Variants in HSPB7 observed in about 807,000 individuals in gnomAD.
HSPB7 encodes the protein heat shock protein beta-7.
A neutral mutation model predicts 11.0 loss-of-function variants in HSPB7; 9 were observed. The observed-to-expected ratio is 0.82, with a 90% CI of 0.49 to 1.43. The LOEUF (loss-of-function observed/expected upper bound fraction) is 1.43, where lower values mean the gene tolerates loss of function less well. Among genes scored for constraint, HSPB7 ranks in the 40% most tolerant of loss-of-function variants. The probability of loss-of-function intolerance (pLI) is 0.00; values close to 1 mark genes in which losing one functional copy is unlikely to be tolerated. For synonymous variants in HSPB7, 102 were observed against 101.6 expected (o/e 1.00, Z -0.02); for missense variants, 246 against 243.9 (o/e 1.01, Z -0.06).
At chr1:16,016,799 CCA>C (rs1339055598) in intron 2 of HSPB7, among the ~76,000 whole-genome samples, 23 of 152,196 alleles carry the variant, frequency 1.5e-4, no homozygotes, top group African/African-American at 5.6e-4. Context: ...CTCCCTCTGC[CCA>C]CATCCCTCCA....
chr1:16,015,875 C>G lies in HSPB7; in HGVS notation c.334-116G>C. 1 of 1,044,118 alleles carries G rather than the reference C, an allele frequency of 9.6e-7. No individual in the cohort carries two copies. The highest frequency in any genetic ancestry group is 1.4e-6 in the Non-Finnish European group (1 of 734,492). The allele number at this position is 1,044,118 out of a possible 1,614,324, so 64.7% of individuals were successfully genotyped here. A position where few individuals can be genotyped will look rare whatever the true frequency, so the allele number is the denominator to read the frequency against. ...GCCAGACCCCACATGCCGAGGGGCT[C>G]TGCCCTCAGGTGCCGAGGGGCTGCC... On this transcript the variant is annotated intron_variant, in intron 2 of 2. Coordinates refer to ENST00000311890, the MANE Select transcript of HSPB7 (RefSeq NM_014424.5). This position sits in a 1 kb window ranked among gnomAD's most constrained non-coding sequence, Gnocchi z 4.9.
chr1:16,018,218 A>T, upstream of HSPB7: 1 of 1,487,676 alleles, frequency 6.7e-7, no homozygotes, highest in Non-Finnish European at 9.0e-7. Flanking sequence ...CTGAGCTCAC[A>T]GCCTGACATT....
At chr1:16,018,936 GAAGC>G, upstream of HSPB7, 1 of 1,118,074 alleles carries the variant, frequency 8.9e-7, no homozygotes, top group Non-Finnish European at 1.2e-6. Flanking sequence ...TACGGACGGG[GAAGC>G]GAAGCCTCTT....
upstream of HSPB7, chr1:16,019,513 A>AG: frequency 6.7e-7 from 1 of 1,484,812 alleles, no homozygotes; most frequent in South Asian, 1.3e-5. Context: ...CTTTTGTCTG[A>AG]GCCCCCTACA....
chr1:16,014,466 C>T lies in HSPB7; in HGVS notation c.*1114G>A, dbSNP rs1289391978. ...GGAGTTGAGAGCAGCAGTTGACACC[C>T]TGGGTTCAGATCTAACCTTCAGTGA... On this transcript the variant is annotated 3_prime_UTR_variant, in exon 3 of 3. Transcript: ENST00000311890. 6.6e-6 allele frequency: 1 copy of T among 152,202 alleles called. No individual in the cohort carries two copies. The highest frequency in any genetic ancestry group is 1.5e-5 in the Non-Finnish European group (1 of 68,070). The allele number at this position is 152,202 out of a possible 1,614,324, so 9.4% of individuals were successfully genotyped here.
At chr1:16,019,541 A>T (rs1377526451), upstream of HSPB7, 3 of 1,449,438 alleles carry the variant, frequency 2.1e-6, no homozygotes, top group African/African-American at 4.3e-5. Context: ...CTGGAGCTTC[A>T]TCCTGGAGAG....
rs35441766 is a variant in HSPB7 at position 16,015,065 on chromosome 1, G to A, written c.*515C>T. 288 of 153,334 alleles carry A rather than the reference G, an allele frequency of 1.9e-3. No homozygotes were observed. Among genetic ancestry groups the A allele is most frequent in the African/African-American group, 6.5e-3 (268 of 41,516 alleles). 9.5% of individuals were successfully genotyped at this position (153,334 alleles called of 1,614,324 possible). On this transcript the variant is annotated 3_prime_UTR_variant, in exon 3 of 3. Coordinates refer to ENST00000311890, the MANE Select transcript of HSPB7 (RefSeq NM_014424.5). This position sits in a 1 kb window ranked among gnomAD's most constrained non-coding sequence, Gnocchi z 4.9. ...GAGGCTGGTAGAGGGGAAGTTTACC[G>A]TCACGGCTGTCTCCTCTTGGCCTTG...
chr1:16,018,257 C>A, upstream of HSPB7: 1 of 1,414,766 alleles, frequency 7.1e-7, no homozygotes. Context: ...CCCCAGGGGC[C>A]TCCTCACCAC....
At chr1:16,019,382 T>A (rs1047350974), upstream of HSPB7, 2 of 1,494,578 alleles carry the variant, frequency 1.3e-6, no homozygotes, top group African/African-American at 2.8e-5. Context: ...GACATAGTCT[T>A]CCTGTGTGCT....
At chr1:16,017,380 G>T in intron 1 of HSPB7, 173 bp from the exon 2 acceptor site, 2 of 789,882 alleles carry the variant, frequency 2.5e-6, no homozygotes, top group Admixed American at 5.4e-5. Flanking sequence ...TGGGGTGGGG[G>T]TGGGGCCTCA....
chr1:16,015,454 C>T lies in HSPB7; in HGVS notation c.*126G>A. The stretch of plus-strand genomic sequence containing the variant: ...GCCCTAGTTTGGGAGGATGGTCCAC[C>T]TGGGGTCTGGGGTGCGTGGGGGCTA... On this transcript the variant is annotated 3_prime_UTR_variant, in exon 3 of 3. Coordinates refer to ENST00000311890, the MANE Select transcript of HSPB7 (RefSeq NM_014424.5). The surrounding 1 kb of genome is among the most constrained non-coding windows in gnomAD (Gnocchi z 4.9). 1 of 868,032 alleles carries T rather than the reference C, an allele frequency of 1.2e-6. No individual in the cohort carries two copies. 53.8% of individuals were successfully genotyped at this position (868,032 alleles called of 1,614,324 possible). A position where few individuals can be genotyped will look rare whatever the true frequency, so the allele number is the denominator to read the frequency against.
Position 16,014,251 on chromosome 1 carries a change from C to T in HSPB7, c.*1329G>A, listed in dbSNP as rs112782458. The T allele has an allele frequency of 3.3e-5, 5 of 152,246 alleles. No individual in the cohort carries two copies. The highest frequency in any genetic ancestry group is 1.9e-4 in the East Asian group (1 of 5,180). The allele number at this position is 152,246 out of a possible 1,614,324, so 9.4% of individuals were successfully genotyped here. A position where few individuals can be genotyped will look rare whatever the true frequency, so the allele number is the denominator to read the frequency against. The stretch of plus-strand genomic sequence containing the variant: ...CCACCCTGCTTCTGTATGTGGGAGA[C>T]GAAACCAAGAGTCATTGGGGGCAGC... On this transcript the variant is annotated 3_prime_UTR_variant, in exon 3 of 3. Transcript: ENST00000311890.
At chr1:16,018,759 G>A (rs889878687), upstream of HSPB7, 13 of 1,068,308 alleles carry the variant, frequency 1.2e-5, no homozygotes, top group Admixed American at 4.9e-5. Context: ...GCCTGCGAGC[G>A]CCTTAGGTGG....
upstream of HSPB7, chr1:16,018,910 G>A: frequency 1.6e-6 from 2 of 1,231,044 alleles, no homozygotes; most frequent in Non-Finnish European, 2.2e-6. Context: ...GGAGGGTGGA[G>A]GGGCTCTTCC....
chr1:16,018,956 G>GGGCGGGGCTCGCAGTTGCAAGA (rs1013484199), upstream of HSPB7: 1 of 1,050,412 alleles, frequency 9.5e-7, no homozygotes, highest in African/African-American at 1.6e-5. Context: ...CTCTTGGAAA[G>GGGCGGGGCTCGCAGTTGCAAGA]GGCGGGGCTC....
chr1:16,017,339 G>T, intron 1 of HSPB7, 132 bp from the exon 2 acceptor site: 1 of 1,269,496 alleles, frequency 7.9e-7, no homozygotes, highest in Non-Finnish European at 1.1e-6. Context: ...TTCTCCCTAA[G>T]CTCCTCCTCA....
upstream of HSPB7, chr1:16,019,522 C>T: frequency 6.8e-7 from 1 of 1,466,944 alleles, no homozygotes; most frequent in Non-Finnish European, 9.2e-7. Context: ...GAGCCCCCTA[C>T]AACCCAGTCT....
rs1341860240 is a variant in HSPB7, at chr1:16,015,862, A to T, written c.334-103T>A. On this transcript the variant is annotated intron_variant, in intron 2 of 2. Transcript: ENST00000311890. This position sits in a 1 kb window ranked among gnomAD's most constrained non-coding sequence, Gnocchi z 4.9. The stretch of plus-strand genomic sequence containing the variant: ...CATTCTAACCCCAGCCAGACCCCAC[A>T]TGCCGAGGGGCTCTGCCCTCAGGTG... 9.1e-7 allele frequency: 1 copy of T among 1,097,556 alleles called. No individual in the cohort carries two copies. The highest frequency in any genetic ancestry group is 1.3e-6 in the Non-Finnish European group (1 of 779,412). 68.0% of individuals were successfully genotyped at this position (1,097,556 alleles called of 1,614,324 possible). A position where few individuals can be genotyped will look rare whatever the true frequency, so the allele number is the denominator to read the frequency against.
In HSPB7 at chr1:16,015,905, G is replaced by T; in HGVS notation, c.334-146C>A. 1 of 767,572 alleles carries T rather than the reference G, an allele frequency of 1.3e-6. No individual in the cohort carries two copies. The highest frequency in any genetic ancestry group is 2.0e-6 in the Non-Finnish European group (1 of 488,918). 47.5% of individuals were successfully genotyped at this position (767,572 alleles called of 1,614,324 possible). On this transcript the variant is annotated intron_variant, in intron 2 of 2. Coordinates refer to ENST00000311890, the MANE Select transcript of HSPB7 (RefSeq NM_014424.5). The surrounding 1 kb of genome is among the most constrained non-coding windows in gnomAD (Gnocchi z 4.9). ...CTCAGGTGCCGAGGGGCTGCCCAGG[G>T]TGGTGATGGCCACAGGCCAAAGGCT...
Sources: allele counts gnomAD v4.1 joint callset (sites outside exome capture counted in the v4.1 genomes callset), GRCh38; gene constraint gnomAD v4.1.1; non-coding constraint Gnocchi (gnomAD v3.1); transcripts MANE v1.5; gene names NCBI Gene and HGNC (gene_info 2026-07-23, HGNC 2026-07-21).